The following NHS variants were observed in gnomAD, a reference collection of about 807,000 sequenced individuals.
The protein encoded by NHS is actin remodeling regulator NHS.
Under a neutral mutation model 72.5 loss-of-function variants are expected in NHS, and 5 were observed. The ratio of observed to expected loss-of-function variants is 0.07; its 90% CI spans 0.04 to 0.14. NHS has a LOEUF of 0.14. NHS is among the 10% of genes least tolerant of loss of function. The probability of loss-of-function intolerance (pLI) is 1.00; values close to 1 mark genes in which losing one functional copy is unlikely to be tolerated. For synonymous variants in NHS, 464 were observed against 547.7 expected (o/e 0.85, Z 2.13); for missense variants, 1,072 against 1,355.7 (o/e 0.79, Z 3.29).
At chrX:17,623,433 G>A (rs1165398252) in intron 1 of NHS, among the ~76,000 whole-genome samples, 1 of 111,665 alleles carries the variant, frequency 9.0e-6, no homozygotes, top group Non-Finnish European at 1.9e-5. Context: ...AGCGAATGAA[G>A]CCCAGGCTCT....
At chrX:17,601,892 A>G (rs2065651681) in intron 1 of NHS, among the ~76,000 whole-genome samples, 1 of 112,155 alleles carries the variant, frequency 8.9e-6, no homozygotes, top group Non-Finnish European at 1.9e-5. Context: ...ACTCAGAGGC[A>G]TTAAGTCACT....
intron 1 of NHS, among the ~76,000 whole-genome samples, chrX:17,492,512 T>C (rs1434877401): frequency 8.9e-6 from 1 of 112,458 alleles, no homozygotes; most frequent in African/African-American, 3.2e-5. Context: ...TTTGTTATGA[T>C]TTCCATTCTT....
At chrX:17,655,524 G>A (rs1229132863) in intron 1 of NHS, among the ~76,000 whole-genome samples, 1 of 112,508 alleles carries the variant, frequency 8.9e-6, no homozygotes, top group East Asian at 2.8e-4. Flanking sequence ...CACTGCGGCT[G>A]GCAGCAGGGG....
chrX:17,718,171 A>C (rs370914298), intron 3 of NHS, among the ~76,000 whole-genome samples: 2 of 110,357 alleles, frequency 1.8e-5, no homozygotes, highest in East Asian at 5.8e-4. Context: ...CTATCTTACT[A>C]CAGATGAGGA....
rs757010459 is a variant in NHS at position 17,514,898 on chromosome X, G to C, written c.565+138576G>C. On this transcript the variant is annotated intron_variant, in intron 1 of 8. Transcript: ENST00000676302. ...AGAAGCAACAAAGTTCTCTGGATAAGCAGAAATGTGTGGGGGGGCAGACTG... is the reference window on the plus strand; with the variant it reads ...AGAAGCAACAAAGTTCTCTGGATAACCAGAAATGTGTGGGGGGGCAGACTG... Among the ~76,000 whole-genome samples, 4 of 111,792 alleles carry C rather than the reference G, an allele frequency of 3.6e-5. No homozygotes were observed. The Admixed American group carries it at 3.8e-4, about 11-fold the overall frequency.
intron 1 of NHS, among the ~76,000 whole-genome samples, chrX:17,525,595 A>C (rs2065168547): frequency 9.6e-6 from 1 of 104,443 alleles, no homozygotes; most frequent in Non-Finnish European, 2.0e-5. Flanking sequence ...TATTTTTTGC[A>C]GCAATTTACT....
chrX:17,483,788 A>G (rs2064956597), intron 1 of NHS, among the ~76,000 whole-genome samples: 1 of 110,236 alleles, frequency 9.1e-6, no homozygotes, highest in Non-Finnish European at 1.9e-5. Context: ...CCTGAGCCAC[A>G]TTTCCCCCTG....
chrX:17,455,461 A>C (rs754175838), intron 1 of NHS, among the ~76,000 whole-genome samples: 10 of 111,983 alleles, frequency 8.9e-5, no homozygotes, highest in Non-Finnish European at 1.5e-4. Flanking sequence ...ACATAGTCTC[A>C]TTTAGCTCCA....
intron 1 of NHS, among the ~76,000 whole-genome samples, chrX:17,513,771 C>G (rs1329361665): frequency 8.9e-6 from 1 of 112,260 alleles, no homozygotes; most frequent in African/African-American, 3.2e-5. Flanking sequence ...GGAGGTGCTA[C>G]TGCCTAAGTA....
chrX:17,719,960 C>T (rs757481508), intron 4 of NHS, among the ~76,000 whole-genome samples: 3 of 110,951 alleles, frequency 2.7e-5, no homozygotes, highest in Non-Finnish European at 5.7e-5. Flanking sequence ...CTCTTTCTCT[C>T]TCTCTCTCTC....
chrX:17,573,959 T>G (rs1260382043), intron 1 of NHS, among the ~76,000 whole-genome samples: 3 of 111,636 alleles, frequency 2.7e-5, no homozygotes, highest in East Asian at 2.8e-4. Context: ...TCTGTTGGAG[T>G]TGGCTGGAGG....
At chrX:17,591,689 G>A (rs1300107028) in intron 1 of NHS, among the ~76,000 whole-genome samples, 1 of 111,791 alleles carries the variant, frequency 8.9e-6, no homozygotes, top group East Asian at 2.8e-4. Context: ...TCCATACTGT[G>A]TGAAATTGAC....
intron 1 of NHS, among the ~76,000 whole-genome samples, chrX:17,521,881 G>A (rs781032378): frequency 6.4e-4 from 72 of 112,811 alleles, no homozygotes; most frequent in Non-Finnish European, 1.2e-3. Flanking sequence ...CTGAAGCAAA[G>A]TGGAAAACTA....
At chrX:17,482,664 G>A (rs2064950849) in intron 1 of NHS, among the ~76,000 whole-genome samples, 1 of 111,662 alleles carries the variant, frequency 9.0e-6, no homozygotes, top group Admixed American at 9.5e-5. Context: ...CAGTCAGTGG[G>A]GATGGAGTTG....
rs758314082 is a variant in NHS at position 17,731,986 on chromosome X, C to A, written c.4478C>A (p.Thr1493Asn). Residue 1493 changes from threonine (T) to asparagine (N), a missense_variant, in exon 9 of 9, where the codon ACC becomes AAC. Transcript: ENST00000676302. ...SITSPSSNVT[T>N]PNSQRSPGLI... ...ACTTCACCCAGCAGTAATGTGACAA[C>A]CCCCAACAGCCAGAGGTCTCCTGGT... is the stretch of plus-strand genomic sequence containing the variant. The A allele has an allele frequency of 5.0e-6, 6 of 1,211,609 alleles. No homozygotes were observed. The East Asian group carries it at 1.5e-4, about 30-fold the overall frequency.
chrX:17,553,535 T>C (rs2065348166), intron 1 of NHS, among the ~76,000 whole-genome samples: 2 of 112,450 alleles, frequency 1.8e-5, no homozygotes, highest in South Asian at 7.4e-4. Flanking sequence ...ACAGGAAGCA[T>C]TTGTCATGAG....
intron 1 of NHS, among the ~76,000 whole-genome samples, chrX:17,517,631 T>C (rs763833515): frequency 1.8e-5 from 2 of 111,595 alleles, no homozygotes; most frequent in Non-Finnish European, 3.8e-5. Flanking sequence ...ACTACTAGTA[T>C]TGGGGAGAAT....
chrX:17,375,622 G>GC lies in NHS; in HGVS notation c.-131dup. 2 of 594,170 alleles carry GC rather than the reference G, an allele frequency of 3.4e-6. No homozygotes were observed. The highest frequency in any genetic ancestry group is 2.8e-5 in the Admixed American group (1 of 35,496). The allele number at this position is 594,170 out of a possible 1,213,427, so 49.0% of individuals were successfully genotyped here. ...AAGAGGAGGCAAGGTGAGCAGAGAA[G>GC]CCCCCTGCGTATCCGGACTGCCAGA... On this transcript the variant is annotated 5_prime_UTR_variant, in exon 1 of 9. Transcript: ENST00000676302.
chrX:17,575,261 T>C (rs752007335), intron 1 of NHS, among the ~76,000 whole-genome samples: 1 of 113,082 alleles, frequency 8.8e-6, no homozygotes, highest in East Asian at 2.8e-4. Context: ...TCCAAGCTCC[T>C]GGCCATGGCC....
Sources: allele counts gnomAD v4.1 joint callset (sites outside exome capture counted in the v4.1 genomes callset), GRCh38; gene constraint gnomAD v4.1.1; transcripts MANE v1.5; gene names NCBI Gene and HGNC (gene_info 2026-07-23, HGNC 2026-07-21).